The following TRPM3 variants were observed in gnomAD, a reference collection of about 807,000 sequenced individuals.
The protein encoded by TRPM3 is transient receptor potential cation channel subfamily M member 3.
TRPM3 carries 77 observed loss-of-function variants against 181.2 expected under a neutral mutation model. The ratio of observed to expected loss-of-function variants is 0.42; its 90% CI spans 0.35 to 0.51. TRPM3 has a LOEUF of 0.51. Among genes scored for constraint, TRPM3 ranks in the 20% least tolerant of loss-of-function variants. TRPM3 has a pLI of 0.01. For synonymous variants in TRPM3, 745 were observed against 796.4 expected (o/e 0.94, Z 1.09); for missense variants, 1,759 against 2,196.7 (o/e 0.80, Z 3.98).
chr9:70,815,506 A>T (rs12000910), intron 6 of TRPM3, among the ~76,000 whole-genome samples: 23,544 of 152,182 alleles, frequency 0.15, 2,531 homozygotes, highest in African/African-American at 0.29. Context: ...TATATACATA[A>T]TGACACTCAA....
intron 1 of TRPM3, among the ~76,000 whole-genome samples, chr9:70,999,195 A>C (rs1055417053): frequency 1.3e-5 from 2 of 152,212 alleles, no homozygotes; most frequent in Non-Finnish European, 2.9e-5. Flanking sequence ...CCTCACTAGA[A>C]AAGAAAGAAC....
At chr9:70,815,052 C>G (rs2094801024) in intron 6 of TRPM3, among the ~76,000 whole-genome samples, 1 of 152,068 alleles carries the variant, frequency 6.6e-6, no homozygotes, top group Non-Finnish European at 1.5e-5. Flanking sequence ...TCCCTGGAAA[C>G]TGTAACTAAT....
chr9:70,958,173 T>C (rs529810849), intron 1 of TRPM3, among the ~76,000 whole-genome samples: 103 of 152,212 alleles, frequency 6.8e-4, no homozygotes, highest in African/African-American at 2.4e-3. Context: ...AGTGACCCCT[T>C]TCCATTCTAT....
chr9:70,939,326 A>G (rs1380713354), intron 1 of TRPM3, among the ~76,000 whole-genome samples: 1 of 152,216 alleles, frequency 6.6e-6, no homozygotes, highest in Non-Finnish European at 1.5e-5. Context: ...GGTGCTAATT[A>G]CCCGACAGTC....
At chr9:71,372,404 C>T (rs1220501735) in intron 1 of TRPM3, among the ~76,000 whole-genome samples, 5 of 152,144 alleles carry the variant, frequency 3.3e-5, no homozygotes, top group African/African-American at 1.2e-4. Context: ...TCAGGAATCA[C>T]CACACTGTCT....
chr9:71,217,075 C>G (rs1236306048), intron 1 of TRPM3, among the ~76,000 whole-genome samples: 1 of 150,402 alleles, frequency 6.6e-6, no homozygotes, highest in Non-Finnish European at 1.5e-5. Context: ...CTCAGCCTCC[C>G]GAGTAGCTGG....
At chr9:71,190,433 A>G (rs151186924) in intron 1 of TRPM3, among the ~76,000 whole-genome samples, 33 of 152,044 alleles carry the variant, frequency 2.2e-4, no homozygotes, top group African/African-American at 7.7e-4. Flanking sequence ...AACTTTTGCT[A>G]CAGAGACTTA....
At chr9:71,315,584 TA>T (rs1168832802) in intron 1 of TRPM3, among the ~76,000 whole-genome samples, 10 of 152,176 alleles carry the variant, frequency 6.6e-5, no homozygotes, top group Non-Finnish European at 1.0e-4. Context: ...CAGCTAAGTT[TA>T]TAGCCATCTA....
At chr9:71,010,640 G>T (rs555466086) in intron 1 of TRPM3, among the ~76,000 whole-genome samples, 1 of 152,130 alleles carries the variant, frequency 6.6e-6, no homozygotes, top group African/African-American at 2.4e-5. Context: ...ATGCTAGGGA[G>T]AATGTGAAAA....
At chr9:71,014,662 C>G (rs1326345534) in intron 1 of TRPM3, among the ~76,000 whole-genome samples, 1 of 152,068 alleles carries the variant, frequency 6.6e-6, no homozygotes, top group African/African-American at 2.4e-5. Context: ...ATGGCAATTG[C>G]TGATTCCCTA....
chr9:70,742,234 C>A (rs1003535968), intron 8 of TRPM3, among the ~76,000 whole-genome samples: 1 of 151,732 alleles, frequency 6.6e-6, no homozygotes, highest in African/African-American at 2.4e-5. Flanking sequence ...GGAAAATGCA[C>A]CAAAGTTATA....
intron 1 of TRPM3, among the ~76,000 whole-genome samples, chr9:70,975,136 G>A (rs1013731216): frequency 7.2e-5 from 11 of 152,070 alleles, no homozygotes; most frequent in East Asian, 3.9e-4. Context: ...TCAATGTGCC[G>A]GGATTTTAGG....
intron 25 of TRPM3, among the ~76,000 whole-genome samples, chr9:70,542,727 C>T (rs189456371): frequency 2.6e-5 from 4 of 152,246 alleles, no homozygotes; most frequent in Admixed American, 2.0e-4. Context: ...GCAGGCCATG[C>T]CTATTCTAAA....
At chr9:71,249,884 C>G (rs2082243609) in intron 1 of TRPM3, among the ~76,000 whole-genome samples, 2 of 152,154 alleles carry the variant, frequency 1.3e-5, no homozygotes, top group African/African-American at 2.4e-5. Context: ...GAGATGCCAT[C>G]AAGTGGCTGA....
intron 1 of TRPM3, among the ~76,000 whole-genome samples, chr9:71,156,365 T>C (rs990683352): frequency 7.2e-6 from 1 of 139,294 alleles, no homozygotes; most frequent in African/African-American, 2.6e-5. Context: ...AGGTATTATA[T>C]ATATACTACA....
At chr9:71,418,813 C>CTATATATATATA (rs67074520) in intron 1 of TRPM3, among the ~76,000 whole-genome samples, 1 of 113,150 alleles carries the variant, frequency 8.8e-6, no homozygotes, top group East Asian at 2.3e-4. Context: ...TATATATATA[C>CTATATATATATA]TATATATATA....
At chr9:71,151,119 C>T (rs2075715012) in intron 1 of TRPM3, among the ~76,000 whole-genome samples, 1 of 152,132 alleles carries the variant, frequency 6.6e-6, no homozygotes, top group South Asian at 2.1e-4. Flanking sequence ...TGCATGCGCA[C>T]TATGAGAATC....
At chr9:71,387,654 T>G (rs563490109) in intron 1 of TRPM3, among the ~76,000 whole-genome samples, 1 of 152,178 alleles carries the variant, frequency 6.6e-6, no homozygotes. Context: ...TTAAAATATG[T>G]ATAATATTAA....
intron 1 of TRPM3, among the ~76,000 whole-genome samples, chr9:70,922,456 C>G (rs1278377549): frequency 6.6e-6 from 1 of 152,108 alleles, no homozygotes; most frequent in Non-Finnish European, 1.5e-5. Flanking sequence ...TCAAAATGAA[C>G]TAATTTAATG....
Sources: gnomAD v4.1 joint callset for allele counts (sites outside exome capture counted in the v4.1 genomes callset) on GRCh38, gnomAD v4.1.1 for gene constraint, MANE v1.5 for transcripts, NCBI Gene and HGNC (gene_info 2026-07-23, HGNC 2026-07-21) for gene names.